The following LYRM7 variants were observed in gnomAD, a reference collection of about 807,000 sequenced individuals.
LYRM7 encodes the protein LYR motif containing 7.
A neutral mutation model predicts 15.8 loss-of-function variants in LYRM7; 9 were observed. The ratio of observed to expected loss-of-function variants is 0.57; its 90% CI spans 0.34 to 0.99. The LOEUF is 0.99. LYRM7 is among the 50% of genes least tolerant of loss of function. The probability of loss-of-function intolerance (pLI) is 0.02; values close to 1 mark genes in which losing one functional copy is unlikely to be tolerated. For synonymous variants in LYRM7, 39 were observed against 39.4 expected (o/e 0.99, Z 0.04); for missense variants, 115 against 119.1 (o/e 0.97, Z 0.16).
chr5:131,172,542 G>A (rs1352197836), intron 1 of LYRM7, among the ~76,000 whole-genome samples: 1 of 152,164 alleles, frequency 6.6e-6, no homozygotes, highest in South Asian at 2.1e-4. Context: ...CTTGAAGTGG[G>A]GATTTGGTTG....
At chr5:131,191,450 C>T (rs1335862099) in intron 4 of LYRM7, among the ~76,000 whole-genome samples, 1 of 152,024 alleles carries the variant, frequency 6.6e-6, no homozygotes, top group African/African-American at 2.4e-5. Context: ...GAAGAGTAAT[C>T]ACCTTGTATG....
rs1387995953 is a variant in LYRM7, at chr5:131,202,756, T to G, written c.*3155T>G. 6.6e-6 allele frequency: 1 copy of G among 152,376 alleles called. No individual in the cohort carries two copies. Among genetic ancestry groups the G allele is most frequent in the Non-Finnish European group, 1.5e-5 (1 of 68,038 alleles). The allele number at this position is 152,376 out of a possible 1,614,324, so 9.4% of individuals were successfully genotyped here. A position where few individuals can be genotyped will look rare whatever the true frequency, so the allele number is the denominator to read the frequency against. ...AGGGGTTGCCCAAATATAATTTTGC[T>G]TTGACTATTGAGATCTAGTGAAAGT... On this transcript the variant is annotated 3_prime_UTR_variant, in exon 5 of 5. Coordinates refer to ENST00000379380, the MANE Select transcript of LYRM7 (RefSeq NM_181705.4).
chr5:131,204,581 G>T lies in LYRM7; in HGVS notation c.*4980G>T, dbSNP rs1756140950. 6.7e-6 allele frequency: 1 copy of T among 149,414 alleles called. No homozygotes were observed. Among genetic ancestry groups the T allele is most frequent in the Non-Finnish European group, 1.5e-5 (1 of 67,712 alleles). The allele number at this position is 149,414 out of a possible 1,614,324, so 9.3% of individuals were successfully genotyped here. On this transcript the variant is annotated 3_prime_UTR_variant, in exon 5 of 5. Coordinates refer to ENST00000379380, the MANE Select transcript of LYRM7 (RefSeq NM_181705.4). ...CCAAAACTTTCTGACCCACCAACAT[G>T]ACTGATGCTCAAAGGAAATGGCCAC...
At chr5:131,196,052 A>G (rs570680702) in intron 4 of LYRM7, among the ~76,000 whole-genome samples, 37 of 151,912 alleles carry the variant, frequency 2.4e-4, no homozygotes. Context: ...TGCATTTTGC[A>G]TAGCCAAAGG....
intron 4 of LYRM7, among the ~76,000 whole-genome samples, chr5:131,190,850 G>A (rs1755874981): frequency 6.6e-6 from 1 of 152,064 alleles, no homozygotes. Flanking sequence ...AAGATGTGTA[G>A]TCATCAGCTT....
chr5:131,187,749 G>C (rs1470108272), intron 4 of LYRM7, among the ~76,000 whole-genome samples: 1 of 151,950 alleles, frequency 6.6e-6, no homozygotes, highest in Non-Finnish European at 1.5e-5. Context: ...GCCCCCCAAA[G>C]TGCTGGTATT....
chr5:131,182,956 C>G (rs1755737198), intron 3 of LYRM7, among the ~76,000 whole-genome samples: 1 of 151,782 alleles, frequency 6.6e-6, no homozygotes, highest in African/African-American at 2.4e-5. Context: ...AGGAAGAAAA[C>G]AAAACAAAAA....
intron 1 of LYRM7, among the ~76,000 whole-genome samples, chr5:131,176,020 A>G (rs904443916): frequency 3.9e-5 from 6 of 152,200 alleles, no homozygotes; most frequent in African/African-American, 1.4e-4. Flanking sequence ...TCAGCTTCCC[A>G]AAGGGCTGAG....
rs575261051 is a variant in LYRM7 at position 131,200,367 on chromosome 5, A to G, written c.*766A>G. The G allele has an allele frequency of 6.6e-6, 1 of 152,454 alleles. No homozygotes were observed. Among genetic ancestry groups the G allele is most frequent in the African/African-American group, 2.4e-5 (1 of 41,570 alleles). 9.4% of individuals were successfully genotyped at this position (152,454 alleles called of 1,614,324 possible). A position where few individuals can be genotyped will look rare whatever the true frequency, so the allele number is the denominator to read the frequency against. On this transcript the variant is annotated 3_prime_UTR_variant, in exon 5 of 5. Coordinates refer to ENST00000379380, the MANE Select transcript of LYRM7 (RefSeq NM_181705.4). The stretch of plus-strand genomic sequence containing the variant: ...AAATGTAATCGGTGGCTACATTCTC[A>G]TCGTTTTAATTAATGAAACTTAAAT...
rs1756107106 is a variant in LYRM7 at position 131,203,263 on chromosome 5, A to AT, written c.*3664dup. ...AAATGGAAAACAGATCCTATTTATA[A>AT]TTGCAAACAAAACTGTAAAATAGAC... On this transcript the variant is annotated 3_prime_UTR_variant, in exon 5 of 5. Transcript: ENST00000379380. 6.6e-6 allele frequency: 1 copy of AT among 152,346 alleles called. No homozygotes were observed. The highest frequency in any genetic ancestry group is 2.1e-4 in the South Asian group (1 of 4,834). The allele number at this position is 152,346 out of a possible 1,614,324, so 9.4% of individuals were successfully genotyped here. A position where few individuals can be genotyped will look rare whatever the true frequency, so the allele number is the denominator to read the frequency against.
At position 131,199,241 on chromosome 5, in the gene LYRM7, A is replaced by G. The variant is rs777653027; in HGVS notation, c.245-290A>G. ...ATCAGTAATTGGTAATTAAATGACC[A>G]ATAATAGAAGTTTTAGCTGAATTCT... On this transcript the variant is annotated intron_variant, in intron 4 of 4. Coordinates refer to ENST00000379380, the MANE Select transcript of LYRM7 (RefSeq NM_181705.4). 9.7e-4 allele frequency among the ~76,000 whole-genome samples: 147 copies of G among 152,228 alleles called. 2 individuals are homozygous for G. The highest frequency in any genetic ancestry group is 2.9e-4 in the Non-Finnish European group (20 of 68,034).
At chr5:131,198,135 C>T (rs2108392) in intron 4 of LYRM7, among the ~76,000 whole-genome samples, 46,752 of 151,744 alleles carry the variant, frequency 0.31, 11,105 homozygotes, top group African/African-American at 0.67. Context: ...GTCTAGATCT[C>T]CTGGAGAAAT....
At chr5:131,178,204 C>CAGTATG (rs1755630858) in intron 1 of LYRM7, among the ~76,000 whole-genome samples, 2 of 152,100 alleles carry the variant, frequency 1.3e-5, no homozygotes, top group Admixed American at 1.3e-4. Context: ...GTCTAGCACA[C>CAGTATG]AGTATGCTTA....
In LYRM7 at chr5:131,204,000, C is replaced by T. The variant is rs1374216332; in HGVS notation, c.*4399C>T. Reference sequence around the variant, plus strand: ...GTTCATCAAGTTGTCACAAGTTAGACAATCATATCCAATATTTTTAAAGGT... The same window carrying T: ...GTTCATCAAGTTGTCACAAGTTAGATAATCATATCCAATATTTTTAAAGGT... On this transcript the variant is annotated 3_prime_UTR_variant, in exon 5 of 5. Coordinates refer to ENST00000379380, the MANE Select transcript of LYRM7 (RefSeq NM_181705.4). 4 of 151,926 alleles carry T rather than the reference C, an allele frequency of 2.6e-5. No homozygotes were observed. The highest frequency in any genetic ancestry group is 4.4e-5 in the Non-Finnish European group (3 of 67,954). The allele number at this position is 151,926 out of a possible 1,614,324, so 9.4% of individuals were successfully genotyped here. A position where few individuals can be genotyped will look rare whatever the true frequency, so the allele number is the denominator to read the frequency against.
chr5:131,184,081 T>A (rs1011563591), intron 3 of LYRM7, among the ~76,000 whole-genome samples: 2 of 152,004 alleles, frequency 1.3e-5, no homozygotes, highest in Non-Finnish European at 2.9e-5. Context: ...GCAATTCTCA[T>A]GCCTCATCCT....
chr5:131,195,014 G>C (rs532079792), intron 4 of LYRM7, among the ~76,000 whole-genome samples: 1 of 152,066 alleles, frequency 6.6e-6, no homozygotes, highest in Non-Finnish European at 1.5e-5. Context: ...CTGTTATCCC[G>C]GCACTTTGGG....
intron 4 of LYRM7, among the ~76,000 whole-genome samples, chr5:131,197,414 T>C (rs1755982998): frequency 6.6e-6 from 1 of 152,202 alleles, no homozygotes. Context: ...CTGGTTTTCA[T>C]TTCAGTAAGC....
Position 131,180,127 on chromosome 5 carries a change from CA to C in LYRM7, c.52del (p.Arg18AspfsTer12). On this transcript the variant is annotated frameshift_variant, in exon 2 of 5. Transcript: ENST00000379380. LOFTEE classifies it high-confidence loss of function. ...LQLFKTLHRTRQQVFKNDARA... is the reference protein window; with the variant it reads ...LQLFKTLHRTXQQVFKNDARA... ...AGCTCTTTAAAACACTGCACAGGAC[CA>C]GACAACAAGTTTTTAAAAATGATGC... The C allele has an allele frequency of 6.2e-7, 1 of 1,612,934 alleles. No individual in the cohort carries two copies.
rs1756039811 is a variant in LYRM7 at position 131,200,306 on chromosome 5, A to T, written c.*705A>T. 1 of 152,322 alleles carries T rather than the reference A, an allele frequency of 6.6e-6. No homozygotes were observed. The highest frequency in any genetic ancestry group is 2.1e-4 in the South Asian group (1 of 4,834). 9.4% of individuals were successfully genotyped at this position (152,322 alleles called of 1,614,324 possible). On this transcript the variant is annotated 3_prime_UTR_variant, in exon 5 of 5. Coordinates refer to ENST00000379380, the MANE Select transcript of LYRM7 (RefSeq NM_181705.4). ...AACTATTTAATATGGCCTTAGTAGA[A>T]TTAGCTGTATTTAGACAAAGTTAGA...
Sources: gnomAD v4.1 joint callset for allele counts (sites outside exome capture counted in the v4.1 genomes callset) on GRCh38, gnomAD v4.1.1 for gene constraint, MANE v1.5 for transcripts, NCBI Gene and HGNC (gene_info 2026-07-23, HGNC 2026-07-21) for gene names.